CDKN3: variants seen among roughly 807,000 people sequenced by gnomAD.
The protein encoded by CDKN3 is cyclin dependent kinase inhibitor 3.
In CDKN3, 19 loss-of-function variants were observed where a neutral mutation model predicts 36.1. That is an observed-to-expected ratio of 0.53 (90% CI 0.37 to 0.77). The LOEUF (loss-of-function observed/expected upper bound fraction) is 0.77, where lower values mean the gene tolerates loss of function less well. Among genes scored for constraint, CDKN3 ranks in the 30% least tolerant of loss-of-function variants. CDKN3 has a pLI of 0.00. For synonymous variants in CDKN3, 71 were observed against 85.3 expected, an observed-to-expected ratio of 0.83 and a Z score of 0.92; for missense variants, 188 against 248.6, an observed-to-expected ratio of 0.76 and a Z score of 1.64.
At chr14:54,413,344 C>T (rs910132628) in intron 5 of CDKN3, among the ~76,000 whole-genome samples, 5 of 149,600 alleles carry the variant, frequency 3.3e-5, no homozygotes, top group Non-Finnish European at 7.4e-5. Context: ...TTTTTCAAAC[C>T]ATTTTGAGAT....
rs903230775 is a variant in CDKN3 at position 54,410,224 on chromosome 14, T to C, written c.194-1260T>C. Among the ~76,000 whole-genome samples the C allele has an allele frequency of 6.6e-5, 10 of 152,326 alleles. No homozygotes were observed. The East Asian group carries it at 1.4e-3, about 21-fold the overall frequency. On this transcript the variant is annotated intron_variant, in intron 4 of 7. Transcript: ENST00000335183. ...AGGTCAATATGTTTGATTGGAGACCTAGAATCTCCCTGCAGCAGTTCCTGA... is the reference window on the plus strand; with the variant it reads ...AGGTCAATATGTTTGATTGGAGACCCAGAATCTCCCTGCAGCAGTTCCTGA...
chr14:54,397,991 C>T (rs1457688729), intron 1 of CDKN3, among the ~76,000 whole-genome samples: 1 of 152,146 alleles, frequency 6.6e-6, no homozygotes, highest in East Asian at 1.9e-4. Flanking sequence ...ATTAGCTGAG[C>T]GTGGTAGTGC....
chr14:54,401,502 G>A, intron 2 of CDKN3, 22 bp from the exon 3 acceptor site: 2 of 1,583,794 alleles, frequency 1.3e-6, no homozygotes, highest in Non-Finnish European at 1.7e-6. Flanking sequence ...AACTAAACAT[G>A]AAAAATTTTT....
intron 3 of CDKN3, among the ~76,000 whole-genome samples, chr14:54,407,451 C>T (rs1293407836): frequency 6.6e-6 from 1 of 152,206 alleles, no homozygotes; most frequent in Non-Finnish European, 1.5e-5. Context: ...CCACAGCCAT[C>T]CCTTCCGCCA....
At chr14:54,402,297 G>A (rs13379123) in intron 3 of CDKN3, among the ~76,000 whole-genome samples, 2,130 of 135,820 alleles carry the variant, frequency 0.016, 52 homozygotes, top group African/African-American at 0.054. Flanking sequence ...AGTATTCCAT[G>A]GCATGTGTGT....
At chr14:54,414,999 CTACAA>C (rs533167499) in intron 5 of CDKN3, among the ~76,000 whole-genome samples, 111 of 152,088 alleles carry the variant, frequency 7.3e-4, no homozygotes, top group African/African-American at 1.3e-3. Context: ...ACAGCTTTAC[CTACAA>C]TACAATACAA....
At chr14:54,409,062 A>C (rs1055950110) in intron 4 of CDKN3, among the ~76,000 whole-genome samples, 1 of 152,124 alleles carries the variant, frequency 6.6e-6, no homozygotes, top group African/African-American at 2.4e-5. Context: ...AGTTGGCATG[A>C]AAAAAAGTAT....
rs951275794 is a variant in CDKN3 at position 54,412,147 on chromosome 14, G to C, written c.416+441G>C. Among the ~76,000 whole-genome samples, 4 of 152,168 alleles carry C rather than the reference G, an allele frequency of 2.6e-5. No homozygotes were observed. In the East Asian group the frequency reaches 7.7e-4, roughly 29 times the overall value. On this transcript the variant is annotated intron_variant, in intron 5 of 7. Coordinates refer to ENST00000335183, the MANE Select transcript of CDKN3 (RefSeq NM_005192.4). The stretch of plus-strand genomic sequence containing the variant: ...TGTAATCCCAGCATTTTGGGAGACT[G>C]TGGTGGGTGGCTCACTTGAGCTCAG...
In CDKN3 at chr14:54,411,547, A is replaced by AAT; in HGVS notation, c.261_262dup (p.Arg88IlefsTer30). The AAT allele has an allele frequency of 6.2e-7, 1 of 1,614,124 alleles. No homozygotes were observed. The highest frequency in any genetic ancestry group is 1.3e-5 in the African/African-American group (1 of 75,060). ...TTCTGCACCAGAGGGGAACTGTCAA[A>AAT]ATATAGAGTCCCAAACCTTCTGGAT... On this transcript the variant is annotated frameshift_variant, in exon 5 of 8. Coordinates refer to ENST00000335183, the MANE Select transcript of CDKN3 (RefSeq NM_005192.4). LOFTEE classifies it high-confidence loss of function.
At chr14:54,413,596 A>G (rs2030432904) in intron 5 of CDKN3, 1 of 1,527,506 alleles carries the variant, frequency 6.5e-7, no homozygotes, top group Non-Finnish European at 8.8e-7. Context: ...GGCATTTTTC[A>G]TTGTCCTAGA....
At chr14:54,407,130 G>C (rs903928119) in intron 3 of CDKN3, among the ~76,000 whole-genome samples, 5 of 152,180 alleles carry the variant, frequency 3.3e-5, no homozygotes, top group Non-Finnish European at 7.3e-5. Flanking sequence ...GAGTTTGCTC[G>C]AGGTCCACTC....
intron 6 of CDKN3, among the ~76,000 whole-genome samples, chr14:54,417,426 T>A (rs964732624): frequency 6.6e-6 from 1 of 152,252 alleles, no homozygotes; most frequent in African/African-American, 2.4e-5. Context: ...TTTCCGTTTA[T>A]GTGATTGCTC....
rs562160986 is a variant in CDKN3, at chr14:54,419,529, A to T, written c.553-463A>T. 3.9e-5 allele frequency among the ~76,000 whole-genome samples: 6 copies of T among 152,342 alleles called. No individual in the cohort carries two copies. In the South Asian group the frequency reaches 6.2e-4, roughly 16 times the overall value. On this transcript the variant is annotated intron_variant, in intron 7 of 7. Coordinates refer to ENST00000335183, the MANE Select transcript of CDKN3 (RefSeq NM_005192.4). ...TGTTTTTAAAAAATATTGTCTATGA[A>T]AATTATCCCTAGTGCATTATGTCAT...
intron 3 of CDKN3, among the ~76,000 whole-genome samples, chr14:54,403,732 G>A (rs1026613562): frequency 2.0e-5 from 3 of 152,152 alleles, no homozygotes; most frequent in African/African-American, 7.2e-5. Context: ...CTAGTTTATT[G>A]AGTGTTTTTA....
In CDKN3 at chr14:54,420,096, A is replaced by ACC. The variant is rs759152913; in HGVS notation, c.*18_*19insCC. On this transcript the variant is annotated 3_prime_UTR_variant, in exon 8 of 8. Transcript: ENST00000335183. ...CAAGATAAAGGAATTCAAATAGCAT[A>ACC]TATATGACCATGTCTGAAATGTCAG... 14 of 1,345,342 alleles carry ACC rather than the reference A, an allele frequency of 1.0e-5. No homozygotes were observed. Among genetic ancestry groups the ACC allele is most frequent in the Non-Finnish European group, 1.5e-5 (14 of 939,002 alleles). 83.3% of individuals were successfully genotyped at this position (1,345,342 alleles called of 1,614,324 possible). A position where few individuals can be genotyped will look rare whatever the true frequency, so the allele number is the denominator to read the frequency against.
intron 3 of CDKN3, 63 bp downstream of exon 3, chr14:54,401,642 C>A: frequency 1.7e-6 from 2 of 1,182,246 alleles, no homozygotes; most frequent in Non-Finnish European, 2.4e-6. Flanking sequence ...ATTTTTATTG[C>A]AGTAGCTTTT....
intron 3 of CDKN3, among the ~76,000 whole-genome samples, chr14:54,404,039 T>C (rs897079685): frequency 6.6e-6 from 1 of 152,238 alleles, no homozygotes; most frequent in Admixed American, 6.5e-5. Context: ...ATCAGGATGA[T>C]GCTGGCCTCA....
intron 3 of CDKN3, among the ~76,000 whole-genome samples, chr14:54,404,826 C>T (rs985704610): frequency 6.6e-6 from 1 of 151,638 alleles, no homozygotes; most frequent in African/African-American, 2.4e-5. Flanking sequence ...TCCATCCACC[C>T]GCCTTGGCCT....
intron 6 of CDKN3, among the ~76,000 whole-genome samples, chr14:54,417,033 A>AT (rs2030576048): frequency 6.6e-6 from 1 of 152,216 alleles, no homozygotes; most frequent in Non-Finnish European, 1.5e-5. Flanking sequence ...AATAACAAGT[A>AT]TTGGCAAGGA....
Sources: gnomAD v4.1 joint callset for allele counts (sites outside exome capture counted in the v4.1 genomes callset) on GRCh38, gnomAD v4.1.1 for gene constraint, MANE v1.5 for transcripts, NCBI Gene and HGNC (gene_info 2026-07-23, HGNC 2026-07-21) for gene names.